Variants in CLSTN2 observed in about 807,000 individuals in gnomAD.
CLSTN2 encodes the protein calsyntenin-2.
Under a neutral mutation model 101.2 loss-of-function variants are expected in CLSTN2, and 48 were observed. That is an observed-to-expected ratio of 0.47 (90% CI 0.38 to 0.60). The LOEUF (loss-of-function observed/expected upper bound fraction) is 0.60, where lower values mean the gene tolerates loss of function less well. CLSTN2 is among the 20% of genes least tolerant of loss of function. The pLI is 0.00. For synonymous variants in CLSTN2, 481 were observed against 463.6 expected, an observed-to-expected ratio of 1.04 and a Z score of -0.48; for missense variants, 1,160 against 1,238.2, an observed-to-expected ratio of 0.94 and a Z score of 0.95.
At chr3:140,310,582 G>A (rs1247520937) in intron 2 of CLSTN2, among the ~76,000 whole-genome samples, 2 of 152,072 alleles carry the variant, frequency 1.3e-5, no homozygotes, top group Non-Finnish European at 2.9e-5. Context: ...CCTCAGTCAG[G>A]GTGCTTAGCT....
At chr3:140,498,901 A>G (rs1264855372) in intron 8 of CLSTN2, among the ~76,000 whole-genome samples, 1 of 151,730 alleles carries the variant, frequency 6.6e-6, no homozygotes, top group African/African-American at 2.4e-5. Flanking sequence ...GTACAAAGAC[A>G]GCATGCCTTT....
chr3:140,279,410 G>A (rs1211590477), intron 2 of CLSTN2, among the ~76,000 whole-genome samples: 1 of 152,182 alleles, frequency 6.6e-6, no homozygotes, highest in Admixed American at 6.5e-5. Flanking sequence ...TTGATTCATT[G>A]AAAAAAGACA....
At chr3:140,355,482 G>A (rs895128720) in intron 2 of CLSTN2, among the ~76,000 whole-genome samples, 3 of 152,278 alleles carry the variant, frequency 2.0e-5, no homozygotes, top group African/African-American at 4.8e-5. Flanking sequence ...CAGTAAATAC[G>A]TCAGTAGGTG....
intron 2 of CLSTN2, among the ~76,000 whole-genome samples, chr3:140,206,383 C>G (rs888733641): frequency 1.8e-4 from 28 of 152,158 alleles, no homozygotes; most frequent in African/African-American, 6.3e-4. Flanking sequence ...GAGGCCAAGC[C>G]AGAGGCTAAG....
At chr3:140,209,987 T>TG (rs1457947645) in intron 2 of CLSTN2, among the ~76,000 whole-genome samples, 5 of 152,342 alleles carry the variant, frequency 3.3e-5, no homozygotes, top group Non-Finnish European at 7.4e-5. Flanking sequence ...GCTCCTGCCA[T>TG]GTACTAAATG....
intron 1 of CLSTN2, among the ~76,000 whole-genome samples, chr3:140,028,045 G>A (rs2007458466): frequency 6.6e-6 from 1 of 152,212 alleles, no homozygotes; most frequent in South Asian, 2.1e-4. Flanking sequence ...AGGAAGCTGG[G>A]GCTGTGCTTG....
rs72981877 is a variant in CLSTN2, at chr3:140,039,620, A to T, written c.109+104137A>T. Among the ~76,000 whole-genome samples the T allele has an allele frequency of 8.0e-3, 1,216 of 152,314 alleles. 16 individuals are homozygous for T. Among genetic ancestry groups the T allele is most frequent in the African/African-American group, 0.028 (1,158 of 41,578 alleles). ...CAGATTAAGGGCCTGTCTTAAAAAT[A>T]CTATTGATTTTCTTCTCCACAACAA... On this transcript the variant is annotated intron_variant, in intron 1 of 16. Transcript: ENST00000458420.
chr3:140,435,211 C>A (rs909362155), intron 5 of CLSTN2, among the ~76,000 whole-genome samples: 2 of 152,026 alleles, frequency 1.3e-5, no homozygotes, highest in Admixed American at 1.3e-4. Context: ...CCCTTACCAA[C>A]CCCCTACCAC....
chr3:140,109,688 T>A (rs1032416218), intron 1 of CLSTN2, among the ~76,000 whole-genome samples: 1 of 152,152 alleles, frequency 6.6e-6, no homozygotes, highest in Non-Finnish European at 1.5e-5. Context: ...CTAAGGAAGT[T>A]CCCAGGGTTG....
At position 140,566,343 on chromosome 3, in the gene CLSTN2, T is replaced by C; in HGVS notation, c.*90T>C. 1 of 1,307,608 alleles carries C rather than the reference T, an allele frequency of 7.6e-7. No individual in the cohort carries two copies. Among genetic ancestry groups the C allele is most frequent in the Non-Finnish European group, 1.1e-6 (1 of 934,992 alleles). The allele number at this position is 1,307,608 out of a possible 1,614,324, so 81.0% of individuals were successfully genotyped here. A position where few individuals can be genotyped will look rare whatever the true frequency, so the allele number is the denominator to read the frequency against. On this transcript the variant is annotated 3_prime_UTR_variant, in exon 17 of 17. Transcript: ENST00000458420. ...TGTCTATCATACCTCACCTCTGATGTCTGTGACATGTCTGGGAAGGCCTTC... is the reference window on the plus strand; with the variant it reads ...TGTCTATCATACCTCACCTCTGATGCCTGTGACATGTCTGGGAAGGCCTTC...
rs1015674501 is a variant in CLSTN2, at chr3:140,198,252, T to C, written c.232+22179T>C. The stretch of plus-strand genomic sequence containing the variant: ...CTGTGTCCACAGTCCAGCTGCATAC[T>C]TCATGTTGTGTTGGTGCCTTTGGGG... On this transcript the variant is annotated intron_variant, in intron 2 of 16. Coordinates refer to ENST00000458420, the MANE Select transcript of CLSTN2 (RefSeq NM_022131.3). Among the ~76,000 whole-genome samples the C allele has an allele frequency of 4.6e-5, 7 of 152,226 alleles. 1 individual carries two copies. Among genetic ancestry groups the C allele is most frequent in the African/African-American group, 1.7e-4 (7 of 41,464 alleles).
chr3:140,069,337 G>C (rs2008353301), intron 1 of CLSTN2, among the ~76,000 whole-genome samples: 2 of 152,162 alleles, frequency 1.3e-5, no homozygotes, highest in East Asian at 1.9e-4. Context: ...AGCATCCTGG[G>C]TACAGCATGA....
chr3:140,337,622 G>A (rs866380340), intron 2 of CLSTN2, among the ~76,000 whole-genome samples: 6 of 152,144 alleles, frequency 3.9e-5, no homozygotes, highest in Admixed American at 1.3e-4. Flanking sequence ...GCCTGAATCC[G>A]CATGGGAGGA....
intron 1 of CLSTN2, among the ~76,000 whole-genome samples, chr3:140,043,398 G>A (rs905484377): frequency 1.3e-5 from 2 of 152,134 alleles, no homozygotes; most frequent in East Asian, 1.9e-4. Context: ...AAATTTGTTT[G>A]AGTTCTTTGT....
chr3:140,026,324 A>T (rs2007419078), intron 1 of CLSTN2, among the ~76,000 whole-genome samples: 1 of 152,230 alleles, frequency 6.6e-6, no homozygotes, highest in African/African-American at 2.4e-5. Flanking sequence ...GACAGAAATG[A>T]TATTTCAGTA....
intron 8 of CLSTN2, among the ~76,000 whole-genome samples, chr3:140,527,717 C>T (rs1489288015): frequency 6.6e-6 from 1 of 152,174 alleles, no homozygotes; most frequent in East Asian, 1.9e-4. Context: ...TACATATACA[C>T]CATGGAATAC....
intron 2 of CLSTN2, among the ~76,000 whole-genome samples, chr3:140,226,913 A>G (rs1161740465): frequency 1.3e-5 from 2 of 152,224 alleles, no homozygotes; most frequent in East Asian, 3.8e-4. Flanking sequence ...AGAACAGTGC[A>G]GGAAAGACCC....
intron 5 of CLSTN2, among the ~76,000 whole-genome samples, chr3:140,426,345 T>G (rs1488872978): frequency 6.6e-6 from 1 of 152,224 alleles, no homozygotes; most frequent in African/African-American, 2.4e-5. Context: ...TTCTCATTGT[T>G]CAGCTCCCAC....
At chr3:139,981,798 TGA>T (rs1251084468) in intron 1 of CLSTN2, among the ~76,000 whole-genome samples, 1 of 152,228 alleles carries the variant, frequency 6.6e-6, no homozygotes, top group African/African-American at 2.4e-5. Context: ...CCCAATGCCC[TGA>T]GAGCCTCTAT....
Sources: allele counts gnomAD v4.1 joint callset (sites outside exome capture counted in the v4.1 genomes callset), GRCh38; gene constraint gnomAD v4.1.1; transcripts MANE v1.5; gene names NCBI Gene and HGNC (gene_info 2026-07-23, HGNC 2026-07-21).